SNRNP70: variants seen among roughly 807,000 people sequenced by gnomAD.
SNRNP70 encodes U1 small nuclear ribonucleoprotein 70 kDa.
A neutral mutation model predicts 50.5 loss-of-function variants in SNRNP70; 8 were observed. That is an observed-to-expected ratio of 0.16 (90% CI 0.09 to 0.29). The LOEUF is 0.29. Ranked by LOEUF, SNRNP70 falls within the 10% of genes least tolerant of loss-of-function variation. SNRNP70 has a pLI of 1.00. For synonymous variants in SNRNP70, 320 were observed against 252.9 expected, an observed-to-expected ratio of 1.27 and a Z score of -2.52; for missense variants, 529 against 663.5, an observed-to-expected ratio of 0.80 and a Z score of 2.23.
At chr19:49,089,905 C>T (rs996116397) in intron 2 of SNRNP70, among the ~76,000 whole-genome samples, 3 of 151,852 alleles carry the variant, frequency 2.0e-5, no homozygotes, top group Non-Finnish European at 2.9e-5. Flanking sequence ...CCTCATGATC[C>T]GCCTGCCTCG....
At chr19:49,098,569 G>A in intron 5 of SNRNP70, 73 bp from the exon 6 acceptor site, 1 of 1,592,934 alleles carries the variant, frequency 6.3e-7, no homozygotes, top group Non-Finnish European at 8.6e-7. Context: ...AATAGGCTAG[G>A]TACAGGGGAA....
intron 6 of SNRNP70, among the ~76,000 whole-genome samples, chr19:49,100,212 A>T (rs1454310264): frequency 6.6e-6 from 1 of 152,164 alleles, no homozygotes; most frequent in African/African-American, 2.4e-5. Flanking sequence ...CTGTCTCAAC[A>T]GCCCTGCCTT....
At chr19:49,105,337 A>G (rs955912924) in intron 8 of SNRNP70, among the ~76,000 whole-genome samples, 2 of 152,152 alleles carry the variant, frequency 1.3e-5, no homozygotes, top group Non-Finnish European at 2.9e-5. Context: ...TTCCTGAAAC[A>G]TAAAGGGCCC....
At chr19:49,091,571 C>T (rs1184613010) in intron 4 of SNRNP70, among the ~76,000 whole-genome samples, 1 of 152,056 alleles carries the variant, frequency 6.6e-6, no homozygotes, top group Non-Finnish European at 1.5e-5. Flanking sequence ...AGTGCCATCT[C>T]ATGTTGGCAT....
At chr19:49,091,428 C>T (rs778351603) in intron 4 of SNRNP70, among the ~76,000 whole-genome samples, 17 of 151,758 alleles carry the variant, frequency 1.1e-4, no homozygotes, top group Non-Finnish European at 2.4e-4. Flanking sequence ...GCTTTGATAA[C>T]GTTTAGATGC....
In SNRNP70 at chr19:49,090,401, A is replaced by G. The variant is rs747720815; in HGVS notation, c.210+48A>G. 6.8e-6 allele frequency: 11 copies of G among 1,612,878 alleles called. No individual in the cohort carries two copies. In the East Asian group the frequency reaches 2.2e-4, roughly 33 times the overall value. On this transcript the variant is annotated intron_variant, in intron 3 of 9. Transcript: ENST00000598441. ...CCCCCTGTTTTACCACTGTCTCCAG[A>G]TGATCCTTGACACTAGGGCACTTCT...
rs1278992037 is a variant in SNRNP70, at chr19:49,107,914, G to T, written c.785G>T (p.Arg262Leu). Reference sequence around the variant, plus strand: ...CGGCGACGCTCCCGCTCCCGGGACCGGCGGAGGCGCTCACGGAGTCGCGAC... The same window carrying T: ...CGGCGACGCTCCCGCTCCCGGGACCTGCGGAGGCGCTCACGGAGTCGCGAC... Reference protein sequence around the residue: ...RERRRSRSRDRRRRSRSRDKE... With the variant: ...RERRRSRSRDLRRRSRSRDKE... Residue 262 changes from arginine to leucine, a missense_variant, in exon 10 of 10, where the codon CGG becomes CTG. Physicochemically the swap from Arg to Leu is moderately radical, Grantham distance 102 (BLOSUM62 -2). Around this residue, in one of 4 missense-constraint regions of SNRNP70, gnomAD observed 327 missense variants for 308.8 expected, o/e 1.06. Coordinates refer to ENST00000598441, the MANE Select transcript of SNRNP70 (RefSeq NM_003089.6). The surrounding 1 kb of genome is among the most constrained non-coding windows in gnomAD (Gnocchi z 6.0). 3.2e-6 allele frequency: 5 copies of T among 1,547,998 alleles called. No individual in the cohort carries two copies. The highest frequency in any genetic ancestry group is 1.4e-5 in the African/African-American group (1 of 73,102).
rs757063532 is a variant in SNRNP70 at position 49,104,439 on chromosome 19, A to G, written c.476-195A>G. 10 of 555,354 alleles carry G rather than the reference A, an allele frequency of 1.8e-5. No homozygotes were observed. The African/African-American group carries it at 1.9e-4, about 11-fold the overall frequency. The allele number at this position is 555,354 out of a possible 1,614,324, so 34.4% of individuals were successfully genotyped here. A position where few individuals can be genotyped will look rare whatever the true frequency, so the allele number is the denominator to read the frequency against. Reference sequence around the variant, plus strand: ...TGGTTGGGGCGCTGAGAGGAAGCAGACGCTGAGATGGAGCAGGCCCTTCAC... The same window carrying G: ...TGGTTGGGGCGCTGAGAGGAAGCAGGCGCTGAGATGGAGCAGGCCCTTCAC... On this transcript the variant is annotated intron_variant, in intron 7 of 9. Coordinates refer to ENST00000598441, the MANE Select transcript of SNRNP70 (RefSeq NM_003089.6). The surrounding 1 kb of genome is among the most constrained non-coding windows in gnomAD (Gnocchi z 5.4).
chr19:49,092,334 C>G (rs1168182007), intron 4 of SNRNP70, among the ~76,000 whole-genome samples: 1 of 151,464 alleles, frequency 6.6e-6, no homozygotes, highest in East Asian at 1.9e-4. Flanking sequence ...GTCTAGATCT[C>G]TTGACCTTGT....
Position 49,108,053 on chromosome 19 carries a change from G to C in SNRNP70, c.924G>C (p.Glu308Asp), listed in dbSNP as rs1476883736. Residue 308 changes from glutamate to aspartate, a missense_variant, in exon 10 of 10, where the codon GAG becomes GAC. This residue lies in a region of SNRNP70 where 327 missense variants were observed against 308.8 expected (regional missense o/e 1.06). Coordinates refer to ENST00000598441, the MANE Select transcript of SNRNP70 (RefSeq NM_003089.6). ...RARRERERKE[E>D]LRGGGGDMAE... ...GGCGGGAGCGGGAGCGCAAGGAGGA[G>C]CTGCGTGGCGGCGGTGGCGACATGG... is the stretch of plus-strand genomic sequence containing the variant. 6 of 1,550,910 alleles carry C rather than the reference G, an allele frequency of 3.9e-6. No homozygotes were observed. Among genetic ancestry groups the C allele is most frequent in the Admixed American group, 4.0e-5 (2 of 50,550 alleles).
At position 49,107,406 on chromosome 19, in the gene SNRNP70, C is replaced by T. The variant is rs755660466; in HGVS notation, c.578-219C>T. ...TGGGGCCAGACATGGGTTCCAGTAA[C>T]GGCTGTTGCCTAGCGAACGCTTTGT... On this transcript the variant is annotated intron_variant, in intron 8 of 9. Coordinates refer to ENST00000598441, the MANE Select transcript of SNRNP70 (RefSeq NM_003089.6). The surrounding 1 kb of genome is among the most constrained non-coding windows in gnomAD (Gnocchi z 6.0). Among the ~76,000 whole-genome samples, 2 of 152,216 alleles carry T rather than the reference C, an allele frequency of 1.3e-5. No individual in the cohort carries two copies. Among genetic ancestry groups the T allele is most frequent in the Non-Finnish European group, 1.5e-5 (1 of 68,038 alleles).
Position 49,098,638 on chromosome 19 carries a change from G to C in SNRNP70, c.331-4G>C. 6.2e-7 allele frequency: 1 copy of C among 1,613,656 alleles called. No homozygotes were observed. Among genetic ancestry groups the C allele is most frequent in the Non-Finnish European group, 8.5e-7 (1 of 1,179,572 alleles). Reference sequence around the variant, plus strand: ...CATTTAACGTCATATCCATCTCCTTGTAGAATTATGACACAACAGAATCCA... The same window carrying C: ...CATTTAACGTCATATCCATCTCCTTCTAGAATTATGACACAACAGAATCCA... On this transcript the variant is annotated splice_region_variant and splice_polypyrimidine_tract_variant and intron_variant, in intron 5 of 9. Transcript: ENST00000598441.
At chr19:49,092,942 G>A (rs1167195035) in intron 4 of SNRNP70, among the ~76,000 whole-genome samples, 2 of 137,466 alleles carry the variant, frequency 1.5e-5, no homozygotes, top group Non-Finnish European at 3.3e-5. Context: ...TAGGGACAGG[G>A]TCGTGCTGTG....
In SNRNP70 at chr19:49,108,038, G is replaced by GGAGCGC. The variant is rs776460083; in HGVS notation, c.910_915dup (p.Glu304_Arg305dup). ...GTCGGGAGCGGGCCCGGCGGGAGCG[G>GGAGCGC]GAGCGCAAGGAGGAGCTGCGTGGCG... On this transcript the variant is annotated inframe_insertion, in exon 10 of 10. Coordinates refer to ENST00000598441, the MANE Select transcript of SNRNP70 (RefSeq NM_003089.6). 4.5e-6 allele frequency: 7 copies of GGAGCGC among 1,548,890 alleles called. No homozygotes were observed. In the South Asian group the frequency reaches 5.9e-5, roughly 13 times the overall value.
At chr19:49,100,277 G>T (rs1183182288) in intron 6 of SNRNP70, among the ~76,000 whole-genome samples, 1 of 152,096 alleles carries the variant, frequency 6.6e-6, no homozygotes, top group Non-Finnish European at 1.5e-5. Flanking sequence ...ATCCAGAGCT[G>T]ACCCCATCTC....
In SNRNP70 at chr19:49,102,288, G is replaced by T. The variant is rs1027062037; in HGVS notation, c.475+817G>T. On this transcript the variant is annotated intron_variant, in intron 7 of 9. Transcript: ENST00000598441. ...CCCTCCTCCCACCCCAGTCGCCCCCGTAGCCTCCCCGCACCCATGGCCCTT... is the reference window on the plus strand; with the variant it reads ...CCCTCCTCCCACCCCAGTCGCCCCCTTAGCCTCCCCGCACCCATGGCCCTT... 1.2e-5 allele frequency: 8 copies of T among 641,538 alleles called. No homozygotes were observed. The Admixed American group carries it at 1.7e-4, about 14-fold the overall frequency. The allele number at this position is 641,538 out of a possible 1,614,324, so 39.7% of individuals were successfully genotyped here. A position where few individuals can be genotyped will look rare whatever the true frequency, so the allele number is the denominator to read the frequency against.
Position 49,093,815 on chromosome 19 carries a change from G to A in SNRNP70, c.265+3295G>A, listed in dbSNP as rs547108604. ...TCAAGACCAGCCTGGCCAACATGGT[G>A]AAACCCCATCTCTACTAAAAATACC... On this transcript the variant is annotated intron_variant, in intron 4 of 9. Coordinates refer to ENST00000598441, the MANE Select transcript of SNRNP70 (RefSeq NM_003089.6). Among the ~76,000 whole-genome samples, 120 of 151,668 alleles carry A rather than the reference G, an allele frequency of 7.9e-4. 1 individual carries two copies. Among genetic ancestry groups the A allele is most frequent in the Non-Finnish European group, 1.4e-3 (97 of 67,894 alleles).
At chr19:49,103,369 C>T (rs1028987959) in intron 7 of SNRNP70, 8 of 152,776 alleles carry the variant, frequency 5.2e-5, no homozygotes, top group Non-Finnish European at 1.0e-4. Context: ...TCCTCTCCCT[C>T]TCCTGGCTCC....
chr19:49,099,246 A>G (rs1305798146), intron 6 of SNRNP70, among the ~76,000 whole-genome samples: 1 of 152,150 alleles, frequency 6.6e-6, no homozygotes, highest in South Asian at 2.1e-4. Context: ...GATGTTAGCC[A>G]TGTCTCTTCT....
Sources: gnomAD v4.1 joint callset for allele counts (sites outside exome capture counted in the v4.1 genomes callset) on GRCh38, gnomAD v4.1.1 for gene constraint, gnomAD v4.1.1 regional missense constraint, Gnocchi (gnomAD v3.1) non-coding constraint, MANE v1.5 for transcripts, NCBI Gene and HGNC (gene_info 2026-07-23, HGNC 2026-07-21) for gene names.